The following KDM4B variants were observed in gnomAD, a reference collection of about 807,000 sequenced individuals.
The protein encoded by KDM4B is lysine demethylase 4B.
Under a neutral mutation model 125.2 loss-of-function variants are expected in KDM4B, and 32 were observed. The ratio of observed to expected loss-of-function variants is 0.26; its 90% CI spans 0.19 to 0.34. The LOEUF is 0.34. Ranked by LOEUF, KDM4B falls within the 10% of genes least tolerant of loss-of-function variation. The pLI is 1.00. For synonymous variants in KDM4B, 721 were observed against 677.9 expected, an observed-to-expected ratio of 1.06 and a Z score of -0.99; for missense variants, 1,190 against 1,577.7, an observed-to-expected ratio of 0.75 and a Z score of 4.16.
chr19:5,126,080 G>A (rs2039444255), intron 11 of KDM4B, among the ~76,000 whole-genome samples: 1 of 152,196 alleles, frequency 6.6e-6, no homozygotes, highest in African/African-American at 2.4e-5. Flanking sequence ...CACCTTTCAG[G>A]GCCTAGCAGT....
chr19:4,987,104 G>A (rs1036061875), intron 1 of KDM4B, among the ~76,000 whole-genome samples: 8 of 151,592 alleles, frequency 5.3e-5, no homozygotes, highest in Admixed American at 2.6e-4. Flanking sequence ...GATCACAGGC[G>A]CCCGCCACTA....
chr19:4,998,158 T>G (rs934821500), intron 1 of KDM4B, among the ~76,000 whole-genome samples: 24 of 152,296 alleles, frequency 1.6e-4, no homozygotes, highest in Non-Finnish European at 3.1e-4. Context: ...CTGGGGGCAG[T>G]GGACGGACAG....
At chr19:5,120,882 TGGG>T (rs2039347929) in intron 11 of KDM4B, among the ~76,000 whole-genome samples, 1 of 152,110 alleles carries the variant, frequency 6.6e-6, no homozygotes, top group South Asian at 2.1e-4. Context: ...GCCCAGGTCA[TGGG>T]GGCCACATTC....
In KDM4B at chr19:5,138,903, C is replaced by G. The variant is rs571789658; in HGVS notation, c.2550+833C>G. ...TAGACCCCACGTGAGTGGGATTGTA[C>G]AGTCTTTATTCTTCTGCGACCGGCT... On this transcript the variant is annotated intron_variant, in intron 18 of 22. Transcript: ENST00000159111. Among the ~76,000 whole-genome samples the G allele has an allele frequency of 3.3e-5, 5 of 152,324 alleles. No individual in the cohort carries two copies. The East Asian group carries it at 9.6e-4, about 29-fold the overall frequency.
Position 5,144,337 on chromosome 19 carries a change from C to T in KDM4B, c.2826C>T (p.Ala942=), listed in dbSNP as rs147055274. The T allele has an allele frequency of 2.2e-4, 332 of 1,507,720 alleles. 1 individual carries two copies. The highest frequency in any genetic ancestry group is 1.7e-4 in the Middle Eastern group (1 of 5,738). 93.4% of individuals were successfully genotyped at this position (1,507,720 alleles called of 1,614,324 possible). A position where few individuals can be genotyped will look rare whatever the true frequency, so the allele number is the denominator to read the frequency against. The change falls in exon 20 of 23, where the codon GCC becomes GCT. Residue 942 remains alanine (A), a synonymous_variant. Transcript: ENST00000159111. ...ACTACCGCTGTCGCGTCATCGGTGC[C>T]GCCTCGCAGACCTGCTACGAAGTGA... ...GLYYRCRVIG[A]ASQTCYEVNF...
chr19:5,047,685 G>T lies in KDM4B; in HGVS notation c.626+16G>T, dbSNP rs1339604354. ...CTAAGTCCTGGTGAGTGTCTGCACTGGCCCTGCCGCCGGCCGGACCGAGAG... is the reference window on the plus strand; with the variant it reads ...CTAAGTCCTGGTGAGTGTCTGCACTTGCCCTGCCGCCGGCCGGACCGAGAG... On this transcript the variant is annotated intron_variant, in intron 6 of 22. Coordinates refer to ENST00000159111, the MANE Select transcript of KDM4B (RefSeq NM_015015.3). 3 of 1,610,248 alleles carry T rather than the reference G, an allele frequency of 1.9e-6. No homozygotes were observed. The East Asian group carries it at 6.7e-5, about 36-fold the overall frequency.
intron 6 of KDM4B, among the ~76,000 whole-genome samples, chr19:5,066,593 T>TC (rs2037777380): frequency 6.6e-6 from 1 of 152,222 alleles, no homozygotes. Flanking sequence ...CCACGCTGCT[T>TC]TGGCTTGCAC....
At chr19:5,088,595 G>T (rs946984941) in intron 9 of KDM4B, among the ~76,000 whole-genome samples, 3 of 151,832 alleles carry the variant, frequency 2.0e-5, no homozygotes, top group Admixed American at 6.6e-5. Context: ...GTGGGCCAGG[G>T]CTGAGCAGAG....
intron 1 of KDM4B, among the ~76,000 whole-genome samples, chr19:4,977,049 T>A (rs523064): frequency 6.6e-6 from 1 of 151,354 alleles, no homozygotes; most frequent in African/African-American, 2.4e-5. Context: ...GTTTTTTTTT[T>A]ATTTTTGCTT....
rs1433291315 is a variant in KDM4B, at chr19:5,114,136, C to T, written c.1115+3318C>T. The T allele has an allele frequency of 2.3e-6, 3 of 1,289,728 alleles. No homozygotes were observed. The highest frequency in any genetic ancestry group is 2.5e-5 in the South Asian group (2 of 81,030). The allele number at this position is 1,289,728 out of a possible 1,614,324, so 79.9% of individuals were successfully genotyped here. A position where few individuals can be genotyped will look rare whatever the true frequency, so the allele number is the denominator to read the frequency against. ...CTGGTGCCCTGCCTGAGCCGGAGCC[C>T]TCACAGTGCTCTCTGGCACCCACGC... is the stretch of plus-strand genomic sequence containing the variant. On this transcript the variant is annotated intron_variant, in intron 10 of 22. Coordinates refer to ENST00000159111, the MANE Select transcript of KDM4B (RefSeq NM_015015.3). This position sits in a 1 kb window ranked among gnomAD's most constrained non-coding sequence, Gnocchi z 5.8.
chr19:5,060,070 C>G (rs560892757), intron 6 of KDM4B, among the ~76,000 whole-genome samples: 1 of 152,306 alleles, frequency 6.6e-6, no homozygotes, highest in East Asian at 1.9e-4. Context: ...CTCCTTGGGC[C>G]CGTGTTGAGG....
At chr19:5,005,934 C>A (rs2035543001) in intron 1 of KDM4B, among the ~76,000 whole-genome samples, 1 of 152,100 alleles carries the variant, frequency 6.6e-6, no homozygotes, top group Non-Finnish European at 1.5e-5. Context: ...AGTGGTGATG[C>A]TGGGTCACAA....
chr19:5,054,534 GA>G (rs1351511639), intron 6 of KDM4B, among the ~76,000 whole-genome samples: 1 of 152,154 alleles, frequency 6.6e-6, no homozygotes, highest in Non-Finnish European at 1.5e-5. Context: ...GTTTGTTAGA[GA>G]AACAAGGGTC....
chr19:5,145,771 G>A (rs1406460970), intron 21 of KDM4B, among the ~76,000 whole-genome samples: 1 of 152,116 alleles, frequency 6.6e-6, no homozygotes, highest in Admixed American at 6.5e-5. Context: ...TGCCCCATTT[G>A]AGGAGTGGAA....
At chr19:5,106,438 C>T (rs1013164708) in intron 9 of KDM4B, among the ~76,000 whole-genome samples, 1 of 152,190 alleles carries the variant, frequency 6.6e-6, no homozygotes, top group Admixed American at 6.5e-5. Context: ...CTGCTCAGCT[C>T]CTCCTTGCAT....
chr19:5,033,977 A>G (rs1016555589), intron 3 of KDM4B, among the ~76,000 whole-genome samples: 1 of 152,028 alleles, frequency 6.6e-6, no homozygotes, highest in African/African-American at 2.4e-5. Flanking sequence ...CTAAAAATAC[A>G]AAAATGAGCC....
chr19:5,059,547 G>C (rs1023978593), intron 6 of KDM4B, among the ~76,000 whole-genome samples: 7 of 152,226 alleles, frequency 4.6e-5, no homozygotes, highest in Non-Finnish European at 1.0e-4. Flanking sequence ...CTCTGCCCGT[G>C]GTGGGCACAG....
intron 1 of KDM4B, among the ~76,000 whole-genome samples, chr19:4,991,262 C>T (rs1599369148): frequency 6.6e-6 from 1 of 152,116 alleles, no homozygotes; most frequent in Non-Finnish European, 1.5e-5. Flanking sequence ...CCCCCCTGCC[C>T]TACCCCCATC....
chr19:5,006,388 C>T (rs1357912744), intron 1 of KDM4B, among the ~76,000 whole-genome samples: 2 of 152,094 alleles, frequency 1.3e-5, no homozygotes, highest in Non-Finnish European at 2.9e-5. Flanking sequence ...ACTCCAGGCC[C>T]CTCCGCCGCA....
Sources: allele counts gnomAD v4.1 joint callset (sites outside exome capture counted in the v4.1 genomes callset), GRCh38; gene constraint gnomAD v4.1.1; non-coding constraint Gnocchi (gnomAD v3.1); transcripts MANE v1.5; gene names NCBI Gene and HGNC (gene_info 2026-07-23, HGNC 2026-07-21).